The following CUL1 variants were observed in gnomAD, a reference collection of about 807,000 sequenced individuals.
CUL1 encodes cullin-1.
In CUL1, 24 loss-of-function variants were observed where a neutral mutation model predicts 118.0. The observed-to-expected ratio is 0.20, with a 90% CI of 0.15 to 0.29. The LOEUF (loss-of-function observed/expected upper bound fraction) is 0.29, where lower values mean the gene tolerates loss of function less well. Ranked by LOEUF, CUL1 falls within the 10% of genes least tolerant of loss-of-function variation. The probability of loss-of-function intolerance (pLI) is 1.00; values close to 1 mark genes in which losing one functional copy is unlikely to be tolerated. For synonymous variants in CUL1, 332 were observed against 340.4 expected (o/e 0.98, Z 0.27); for missense variants, 361 against 933.8 (o/e 0.39, Z 7.99).
intron 1 of CUL1, among the ~76,000 whole-genome samples, 173 bp downstream of exon 1, chr7:148,699,202 G>A (rs986976799): frequency 6.6e-6 from 1 of 151,984 alleles, no homozygotes; most frequent in Non-Finnish European, 1.5e-5. Context: ...CGGGCCGGGG[G>A]ACTCGTGGGC....
At chr7:148,753,131 C>T (rs1321962388) in intron 2 of CUL1, among the ~76,000 whole-genome samples, 3 of 152,086 alleles carry the variant, frequency 2.0e-5, no homozygotes, top group African/African-American at 7.2e-5. Context: ...GCCCTCATGC[C>T]ATTTATTAGA....
chr7:148,787,072 G>T lies in CUL1; in HGVS notation c.1431G>T (p.Gln477His). ...AKMLAKRLVH[Q>H]NSASDDAEAS... ...TGCTCGCCAAGAGGCTCGTCCACCA[G>T]AACAGTGCAAGTGACGATGCCGAAG... Residue 477 changes from glutamine (Q) to histidine (H), a missense_variant, in exon 13 of 22, where the codon CAG becomes CAT. This residue lies in a region of CUL1 where 169 missense variants were observed against 429.7 expected (regional missense o/e 0.39). Transcript: ENST00000325222. This position sits in a 1 kb window ranked among gnomAD's most constrained non-coding sequence, Gnocchi z 5.5. 6.2e-7 allele frequency: 1 copy of T among 1,613,846 alleles called. No homozygotes were observed. The highest frequency in any genetic ancestry group is 8.5e-7 in the Non-Finnish European group (1 of 1,179,868).
chr7:148,717,217 C>T (rs541951816), intron 1 of CUL1, among the ~76,000 whole-genome samples: 3 of 152,076 alleles, frequency 2.0e-5, no homozygotes, highest in East Asian at 1.9e-4. Context: ...CCACCACGCC[C>T]GGCTAATTTT....
chr7:148,733,448 T>C (rs538640538), intron 2 of CUL1, among the ~76,000 whole-genome samples: 17 of 152,252 alleles, frequency 1.1e-4, no homozygotes, highest in Non-Finnish European at 2.2e-4. Context: ...TTACGCATAG[T>C]ACTCTTTGGA....
chr7:148,729,844 A>G (rs1798699864), intron 1 of CUL1, 118 bp from the exon 2 acceptor site: 2 of 322,460 alleles, frequency 6.2e-6, no homozygotes, highest in Non-Finnish European at 1.1e-5. Flanking sequence ...GTGTTTGCAC[A>G]TAGAAAGAGA....
At chr7:148,707,685 C>T (rs1175088191) in intron 1 of CUL1, among the ~76,000 whole-genome samples, 7 of 152,060 alleles carry the variant, frequency 4.6e-5, no homozygotes, top group Non-Finnish European at 4.4e-5. Flanking sequence ...GTGCCCTTCC[C>T]GGTGTCCATG....
chr7:148,772,582 C>T (rs1800250657), intron 9 of CUL1, among the ~76,000 whole-genome samples: 2 of 152,170 alleles, frequency 1.3e-5, no homozygotes, highest in Admixed American at 1.3e-4. Context: ...ATTTCTTTAG[C>T]AAGCATTTAG....
intron 1 of CUL1, among the ~76,000 whole-genome samples, 187 bp from the exon 2 acceptor site, chr7:148,729,775 G>T (rs2129459594): frequency 6.6e-6 from 1 of 152,300 alleles, no homozygotes; most frequent in Middle Eastern, 3.4e-3. Context: ...ATATCATAAT[G>T]ATTTTGAACT....
At chr7:148,719,248 T>G (rs991596703) in intron 1 of CUL1, among the ~76,000 whole-genome samples, 10 of 152,220 alleles carry the variant, frequency 6.6e-5, no homozygotes, top group Admixed American at 6.5e-4. Context: ...GAGGCGGAGC[T>G]TGCAGTGAGC....
At chr7:148,775,952 G>C (rs1800380496) in intron 9 of CUL1, among the ~76,000 whole-genome samples, 2 of 151,754 alleles carry the variant, frequency 1.3e-5, no homozygotes, top group Non-Finnish European at 2.9e-5. Flanking sequence ...CCTTGGGACA[G>C]TACCCAAGAG....
intron 1 of CUL1, among the ~76,000 whole-genome samples, chr7:148,715,384 C>T (rs1490743025): frequency 3.3e-5 from 5 of 152,182 alleles, no homozygotes; most frequent in Admixed American, 1.3e-4. Flanking sequence ...TCTTGAAGGC[C>T]GTGGCTCCTG....
At chr7:148,699,243 C>T (rs1015745177) in intron 1 of CUL1, among the ~76,000 whole-genome samples, 2 of 151,866 alleles carry the variant, frequency 1.3e-5, no homozygotes, top group South Asian at 2.1e-4. Context: ...GAGGAGCGAG[C>T]GGGGCCGGGC....
At chr7:148,728,167 T>C (rs1321086553) in intron 1 of CUL1, among the ~76,000 whole-genome samples, 1 of 152,192 alleles carries the variant, frequency 6.6e-6, no homozygotes, top group African/African-American at 2.4e-5. Flanking sequence ...GGCATCAGAC[T>C]CATTCCCAGG....
upstream of CUL1, chr7:148,698,779 C>CG (rs1797606063): frequency 1.3e-5 from 2 of 153,602 alleles, no homozygotes; most frequent in Admixed American, 6.5e-5. Context: ...GCCGAGAGGG[C>CG]GGGGAGCCGC....
intron 6 of CUL1, 141 bp from the exon 7 acceptor site, chr7:148,760,192 G>A (rs1012694602): frequency 3.6e-6 from 2 of 557,392 alleles, no homozygotes; most frequent in Admixed American, 3.7e-5. Flanking sequence ...TTTAATACTA[G>A]TGAGTAAGAG....
At chr7:148,793,922 T>A (rs1174160360) in intron 17 of CUL1, among the ~76,000 whole-genome samples, 3 of 152,120 alleles carry the variant, frequency 2.0e-5, no homozygotes, top group African/African-American at 4.8e-5. Context: ...TTTTCATTTT[T>A]AAAAAAAATT....
At chr7:148,763,145 T>C (rs1799891945) in intron 7 of CUL1, among the ~76,000 whole-genome samples, 1 of 149,696 alleles carries the variant, frequency 6.7e-6, no homozygotes, top group Non-Finnish European at 1.5e-5. Context: ...AGACTCTGTC[T>C]CAAAAAAAAA....
chr7:148,777,570 G>T (rs1800442943), intron 9 of CUL1, among the ~76,000 whole-genome samples: 1 of 152,230 alleles, frequency 6.6e-6, no homozygotes, highest in Non-Finnish European at 1.5e-5. Flanking sequence ...GTCTGCACGT[G>T]TTGGAGAGTT....
intron 2 of CUL1, among the ~76,000 whole-genome samples, chr7:148,742,923 T>G (rs957658003): frequency 4.6e-5 from 7 of 152,224 alleles, no homozygotes; most frequent in African/African-American, 1.7e-4. Context: ...TTTTCTGATA[T>G]AAGTATTTGA....
Sources: gnomAD v4.1 joint callset for allele counts (sites outside exome capture counted in the v4.1 genomes callset) on GRCh38, gnomAD v4.1.1 for gene constraint, gnomAD v4.1.1 regional missense constraint, Gnocchi (gnomAD v3.1) non-coding constraint, MANE v1.5 for transcripts, NCBI Gene and HGNC (gene_info 2026-07-23, HGNC 2026-07-21) for gene names.